NCOA6: variants seen among roughly 807,000 people sequenced by gnomAD.
The protein encoded by NCOA6 is NRC RAP250.
A neutral mutation model predicts 171.4 loss-of-function variants in NCOA6; 49 were observed. That is an observed-to-expected ratio of 0.29 (90% confidence interval 0.23 to 0.36). The LOEUF (loss-of-function observed/expected upper bound fraction) is 0.36. Ranked by LOEUF, NCOA6 falls within the 10% of genes least tolerant of loss-of-function variation. The probability of loss-of-function intolerance (pLI) is 1.00; values close to 1 mark genes in which losing one functional copy is unlikely to be tolerated. For synonymous variants in NCOA6, 910 were observed against 927.5 expected (o/e 0.98, Z 0.34); for missense variants, 2,248 against 2,554.5 (o/e 0.88, Z 2.59).
At chr20:34,757,013 G>A (rs1020495508) in intron 7 of NCOA6, among the ~76,000 whole-genome samples, 7 of 152,132 alleles carry the variant, frequency 4.6e-5, no homozygotes, top group Non-Finnish European at 4.4e-5. Flanking sequence ...CTGAATTTTA[G>A]TCCAGAGAGC....
At chr20:34,753,048 C>CT (rs202176089) in intron 8 of NCOA6, among the ~76,000 whole-genome samples, 7,889 of 145,108 alleles carry the variant, frequency 0.054, 236 homozygotes, top group East Asian at 0.08. Context: ...TTAAAACATA[C>CT]TTTTTTTTTT....
chr20:34,758,725 G>T, intron 6 of NCOA6, 80 bp downstream of exon 6: 1 of 1,531,882 alleles, frequency 6.5e-7, no homozygotes, highest in Non-Finnish European at 8.8e-7. Context: ...TAGAAATTCA[G>T]CATCAGAGAT....
intron 8 of NCOA6, among the ~76,000 whole-genome samples, chr20:34,754,050 CA>C (rs1340742630): frequency 6.6e-6 from 1 of 152,160 alleles, no homozygotes; most frequent in Non-Finnish European, 1.5e-5. Context: ...ATTTCCTCTC[CA>C]AAATTTCTTC....
intron 3 of NCOA6, among the ~76,000 whole-genome samples, chr20:34,781,285 T>C (rs1245602741): frequency 6.6e-6 from 1 of 152,210 alleles, no homozygotes; most frequent in Non-Finnish European, 1.5e-5. Flanking sequence ...AATTTAGGAT[T>C]TGTGATAAAA....
At position 34,757,751 on chromosome 20, in the gene NCOA6, C is replaced by A; in HGVS notation, c.997G>T (p.Gly333Cys). Residue 333 changes from glycine to cysteine, a missense_variant, in exon 7 of 15, where the codon GGT (glycine) becomes TGT (cysteine). Transcript: ENST00000359003. ...SGALQPPPAQGSLGTMTANQG... is the reference protein window; with the variant it reads ...SGALQPPPAQCSLGTMTANQG... Reference sequence around the variant, plus strand: ...TTTGCAGTCATTGTGCCCAGAGAACCCTGGGCTGGAGGAGGTTGAAGGGCT... The same window carrying A: ...TTTGCAGTCATTGTGCCCAGAGAACACTGGGCTGGAGGAGGTTGAAGGGCT... 6.2e-7 allele frequency: 1 copy of A among 1,614,086 alleles called. No individual in the cohort carries two copies. The highest frequency in any genetic ancestry group is 1.1e-5 in the South Asian group (1 of 91,076).
intron 5 of NCOA6, among the ~76,000 whole-genome samples, chr20:34,760,246 C>G (rs967701964): frequency 6.6e-6 from 1 of 152,178 alleles, no homozygotes; most frequent in African/African-American, 2.4e-5. Context: ...CACTGCTCTC[C>G]AGCCTAGGCA....
chr20:34,729,833 C>T (rs1450772070), intron 13 of NCOA6, among the ~76,000 whole-genome samples: 4 of 152,152 alleles, frequency 2.6e-5, no homozygotes, highest in African/African-American at 9.7e-5. Context: ...TTGCTAGTAG[C>T]ACCGTGGTTG....
chr20:34,757,499 G>C lies in NCOA6; in HGVS notation c.1249C>G (p.Pro417Ala). Residue 417 changes from proline to alanine, a missense_variant, in exon 7 of 15, where the codon CCC becomes GCC. Around this residue, in one of 7 missense-constraint regions of NCOA6, gnomAD observed 987 missense variants for 1,104.7 expected, o/e 0.89. Coordinates refer to ENST00000359003, the MANE Select transcript of NCOA6 (RefSeq NM_014071.5). ...TTGGTGAGGTGGGGCTGCTGCAAGG[G>C]AGTTGGGACCCTAGAGGGCCCTCCC... ...LQGGPSRVPT[P>A]LQQPHLTNKS... The C allele has an allele frequency of 2.5e-6, 4 of 1,613,970 alleles. No homozygotes were observed. Among genetic ancestry groups the C allele is most frequent in the Non-Finnish European group, 3.4e-6 (4 of 1,179,914 alleles).
chr20:34,752,147 G>T (rs574371794), intron 8 of NCOA6, among the ~76,000 whole-genome samples: 1 of 152,090 alleles, frequency 6.6e-6, no homozygotes, highest in African/African-American at 2.4e-5. Context: ...CTGAGCCACC[G>T]CACTTGGCCT....
chr20:34,780,316 T>C (rs904666374), intron 3 of NCOA6, among the ~76,000 whole-genome samples: 7 of 152,202 alleles, frequency 4.6e-5, no homozygotes, highest in African/African-American at 1.7e-4. Flanking sequence ...GGACCAAGAA[T>C]ATAATCTGAT....
chr20:34,781,177 G>C lies in NCOA6; in HGVS notation c.235+944C>G, dbSNP rs115199071. 7.7e-3 allele frequency among the ~76,000 whole-genome samples: 1,176 copies of C among 152,180 alleles called. 18 individuals are homozygous for C. The highest frequency in any genetic ancestry group is 0.027 in the African/African-American group (1,137 of 41,534). ...ACTATGGAGAACCTTGTACAACACA[G>C]TGAAAAGCAGTTGAAAAAACAACAG... is the stretch of plus-strand genomic sequence containing the variant. On this transcript the variant is annotated intron_variant, in intron 3 of 14. Transcript: ENST00000359003.
chr20:34,744,741 T>A lies in NCOA6; in HGVS notation c.2915-1400A>T, dbSNP rs117294161. On this transcript the variant is annotated intron_variant, in intron 10 of 14. Transcript: ENST00000359003. ...TAAAGCCAATAACATGGCATTTCTA[T>A]GGTTCAACTGTCCTTTCGACTACAT... Among the ~76,000 whole-genome samples the A allele has an allele frequency of 7.3e-3, 1,110 of 152,356 alleles. 7 individuals carry two copies. Among genetic ancestry groups the A allele is most frequent in the Non-Finnish European group, 0.012 (825 of 68,034 alleles).
intron 2 of NCOA6, among the ~76,000 whole-genome samples, chr20:34,783,678 C>T (rs916927210): frequency 8.5e-5 from 13 of 152,070 alleles, no homozygotes; most frequent in Admixed American, 2.0e-4. Context: ...GGCTGCACTG[C>T]GGTGGCACAA....
Position 34,741,132 on chromosome 20 carries a change from A to G in NCOA6, c.5124T>C (p.Phe1708=), listed in dbSNP as rs1940258597. The change falls in exon 11 of 15, where the codon TTT becomes TTC. Residue 1708 remains phenylalanine (F), a synonymous_variant. Transcript: ENST00000359003. ...CATTAGGCGGTACAGGAGCAGAAGA[A>G]AATTTTATGTTCTGAGGTATGTGTA... The part of the protein sequence containing the change: ...GPLHIPQNIK[F]SSAPVPPNAL... 1.2e-6 allele frequency: 2 copies of G among 1,614,228 alleles called. No homozygotes were observed. The highest frequency in any genetic ancestry group is 1.3e-5 in the African/African-American group (1 of 75,056).
At chr20:34,761,556 A>G (rs1358867088) in intron 5 of NCOA6, among the ~76,000 whole-genome samples, 2 of 151,986 alleles carry the variant, frequency 1.3e-5, no homozygotes, top group Non-Finnish European at 2.9e-5. Flanking sequence ...TTTGGTATTT[A>G]CTGAAACGTG....
chr20:34,809,633 C>T (rs1050292826), intron 1 of NCOA6: 5 of 390,748 alleles, frequency 1.3e-5, no homozygotes, highest in African/African-American at 6.2e-5. Flanking sequence ...TGGCCAAATT[C>T]CTTCTCTCTA....
intron 1 of NCOA6, among the ~76,000 whole-genome samples, chr20:34,811,513 A>G (rs1053090520): frequency 1.3e-5 from 2 of 152,046 alleles, no homozygotes; most frequent in African/African-American, 4.8e-5. Context: ...AGATTTACAG[A>G]ACATGAGTTA....
At chr20:34,719,694 G>T (rs1989076383) in intron 14 of NCOA6, among the ~76,000 whole-genome samples, 1 of 151,406 alleles carries the variant, frequency 6.6e-6, no homozygotes, top group Non-Finnish European at 1.5e-5. Context: ...CTATTCATTA[G>T]AGTAGTAAAA....
Position 34,802,636 on chromosome 20 carries a change from A to G in NCOA6, c.-163-10073T>C, listed in dbSNP as rs530292929. On this transcript the variant is annotated intron_variant, in intron 1 of 14. Coordinates refer to ENST00000359003, the MANE Select transcript of NCOA6 (RefSeq NM_014071.5). ...AAAAAAAATTGGTGAAAATATAAAAACGAAATAATACTATGATCATATATT... is the reference window on the plus strand; with the variant it reads ...AAAAAAAATTGGTGAAAATATAAAAGCGAAATAATACTATGATCATATATT... 4.6e-5 allele frequency among the ~76,000 whole-genome samples: 7 copies of G among 152,224 alleles called. 1 individual carries two copies. In the South Asian group the frequency reaches 1.5e-3, roughly 32 times the overall value.
Sources: allele counts gnomAD v4.1 joint callset (sites outside exome capture counted in the v4.1 genomes callset), GRCh38; gene constraint gnomAD v4.1.1; regional missense constraint gnomAD v4.1.1; transcripts MANE v1.5; gene names NCBI Gene and HGNC (gene_info 2026-07-23, HGNC 2026-07-21).